Variants in HDAC9 observed in about 807,000 individuals in gnomAD.
The protein encoded by HDAC9 is histone deacetylase 9.
HDAC9 carries 41 observed loss-of-function variants against 139.4 expected under a neutral mutation model. That is an observed-to-expected ratio of 0.29 (90% CI 0.23 to 0.38). The LOEUF (loss-of-function observed/expected upper bound fraction) is 0.38. Among genes scored for constraint, HDAC9 ranks in the 10% least tolerant of loss-of-function variants. HDAC9 has a pLI of 1.00. For missense variants in HDAC9, 1,147 were observed against 1,297.0 expected (o/e 0.88, Z 1.78); for synonymous variants, 517 against 476.2 (o/e 1.09, Z -1.12).
intron 2 of HDAC9, among the ~76,000 whole-genome samples, chr7:18,175,022 G>A (rs963060713): frequency 6.6e-6 from 1 of 152,194 alleles, no homozygotes; most frequent in Admixed American, 6.5e-5. Flanking sequence ...GTCTGCAGAA[G>A]TTTCTATTGC....
intron 23 of HDAC9, 142 bp from the exon 24 acceptor site, chr7:18,954,004 A>C (rs553255833): frequency 1.6e-6 from 1 of 639,010 alleles, no homozygotes; most frequent in African/African-American, 1.9e-5. Flanking sequence ...CTACACTTCT[A>C]GAACTAATAT....
intron 24 of HDAC9, among the ~76,000 whole-genome samples, chr7:18,957,038 G>A (rs554453602): frequency 1.2e-4 from 18 of 152,234 alleles, no homozygotes; most frequent in South Asian, 1.0e-3. Flanking sequence ...GTGAAAAAAC[G>A]TTTACCAAGA....
chr7:18,833,926 C>A (rs900574690), intron 19 of HDAC9, among the ~76,000 whole-genome samples: 9 of 152,196 alleles, frequency 5.9e-5, no homozygotes, highest in African/African-American at 1.9e-4. Flanking sequence ...TCCTATGGAG[C>A]AATAATGACT....
chr7:18,883,875 A>G (rs1302738174), intron 22 of HDAC9, among the ~76,000 whole-genome samples: 2 of 152,168 alleles, frequency 1.3e-5, no homozygotes, highest in Non-Finnish European at 2.9e-5. Flanking sequence ...ACAAAAATCA[A>G]TAGCATTTCT....
chr7:18,631,490 C>A (rs923728366), intron 7 of HDAC9, among the ~76,000 whole-genome samples: 5 of 151,998 alleles, frequency 3.3e-5, no homozygotes, highest in Non-Finnish European at 5.9e-5. Flanking sequence ...GATCTTAATA[C>A]TAAATATTTT....
intron 6 of HDAC9, among the ~76,000 whole-genome samples, chr7:18,628,555 T>C (rs1040938315): frequency 6.6e-6 from 1 of 152,194 alleles, no homozygotes; most frequent in Admixed American, 6.5e-5. Flanking sequence ...TTCTAAAGTA[T>C]AATTATTTTG....
chr7:18,944,337 G>C (rs1782224150), intron 23 of HDAC9, among the ~76,000 whole-genome samples: 3 of 152,116 alleles, frequency 2.0e-5, no homozygotes, highest in South Asian at 4.1e-4. Flanking sequence ...GCATGTTGCA[G>C]GGGGACTTTC....
At chr7:18,740,283 C>T (rs1787329489) in intron 13 of HDAC9, among the ~76,000 whole-genome samples, 1 of 152,192 alleles carries the variant, frequency 6.6e-6, no homozygotes, top group Non-Finnish European at 1.5e-5. Flanking sequence ...CACCCACTCT[C>T]CAACCAGTCT....
intron 21 of HDAC9, among the ~76,000 whole-genome samples, chr7:18,852,019 G>C (rs1797335873): frequency 6.6e-6 from 1 of 152,218 alleles, no homozygotes; most frequent in Non-Finnish European, 1.5e-5. Flanking sequence ...TTTAGAGACA[G>C]TCCTTCTAAC....
chr7:18,442,127 A>AT (rs993259599), intron 1 of HDAC9, among the ~76,000 whole-genome samples: 1 of 152,094 alleles, frequency 6.6e-6, no homozygotes, highest in Non-Finnish European at 1.5e-5. Flanking sequence ...GTTTTCACAG[A>AT]TTTTCAATTC....
intron 23 of HDAC9, 47 bp from the exon 24 acceptor site, chr7:18,954,099 A>G (rs1782985190): frequency 3.1e-6 from 4 of 1,303,944 alleles, no homozygotes; most frequent in South Asian, 1.3e-5. Flanking sequence ...GAGACTTACT[A>G]TAAAGTCATA....
intron 2 of HDAC9, among the ~76,000 whole-genome samples, chr7:18,582,725 T>C (rs1828209854): frequency 1.3e-5 from 2 of 152,162 alleles, no homozygotes; most frequent in South Asian, 4.1e-4. Flanking sequence ...ATTGAACTGT[T>C]TTTTTCCCTA....
At chr7:18,780,048 G>C (rs1446086349) in intron 16 of HDAC9, among the ~76,000 whole-genome samples, 2 of 152,014 alleles carry the variant, frequency 1.3e-5, no homozygotes, top group African/African-American at 4.8e-5. Context: ...CTAAAGTGCA[G>C]ATTCCAATTC....
At chr7:18,673,896 C>T (rs1227566171) in intron 12 of HDAC9, among the ~76,000 whole-genome samples, 1 of 152,050 alleles carries the variant, frequency 6.6e-6, no homozygotes, top group Non-Finnish European at 1.5e-5. Flanking sequence ...TTAAAGACAA[C>T]CGAAAGTCTG....
chr7:18,312,922 ATAT>A (rs376543230), intron 1 of HDAC9, among the ~76,000 whole-genome samples: 20 of 152,244 alleles, frequency 1.3e-4, no homozygotes, highest in African/African-American at 4.8e-4. Flanking sequence ...AGAAGGAGAA[ATAT>A]TTTTGTTTCT....
chr7:18,182,927 A>G (rs1223144161), intron 2 of HDAC9, among the ~76,000 whole-genome samples: 1 of 152,110 alleles, frequency 6.6e-6, no homozygotes, highest in African/African-American at 2.4e-5. Context: ...AAGAGAGAAG[A>G]GTAGAGGGAC....
intron 2 of HDAC9, among the ~76,000 whole-genome samples, chr7:18,498,235 T>C (rs972872481): frequency 6.6e-6 from 1 of 152,142 alleles, no homozygotes; most frequent in African/African-American, 2.4e-5. Flanking sequence ...TATATGTTCT[T>C]AAATTTAATT....
At chr7:18,154,655 GCACTT>G (rs1457110929) in intron 1 of HDAC9, among the ~76,000 whole-genome samples, 1 of 152,178 alleles carries the variant, frequency 6.6e-6, no homozygotes, top group Middle Eastern at 3.2e-3. Context: ...TTTTACAAGA[GCACTT>G]TGCTCAACGT....
intron 1 of HDAC9, among the ~76,000 whole-genome samples, chr7:18,413,593 T>C (rs1338860424): frequency 6.6e-6 from 1 of 152,204 alleles, no homozygotes; most frequent in African/African-American, 2.4e-5. Flanking sequence ...ATTATATGTG[T>C]CTTTGTTTAT....
Sources: gnomAD v4.1 joint callset for allele counts (sites outside exome capture counted in the v4.1 genomes callset) on GRCh38, gnomAD v4.1.1 for gene constraint, MANE v1.5 for transcripts, NCBI Gene and HGNC (gene_info 2026-07-23, HGNC 2026-07-21) for gene names.